The following STX6 variants were observed in gnomAD, a reference collection of about 807,000 sequenced individuals.
STX6 encodes syntaxin 6.
In STX6, 23 loss-of-function variants were observed where a neutral mutation model predicts 38.0. The observed-to-expected ratio is 0.60, with a 90% confidence interval of 0.43 to 0.86. The LOEUF is 0.86. Among genes scored for constraint, STX6 ranks in the 40% least tolerant of loss-of-function variants. The pLI is 0.00. For missense variants in STX6, 274 were observed against 312.9 expected (o/e 0.88, Z 0.94); for synonymous variants, 123 against 107.5 (o/e 1.14, Z -0.89).
chr1:181,022,143 CTTG>C (rs775300822), intron 1 of STX6, among the ~76,000 whole-genome samples: 1 of 151,008 alleles, frequency 6.6e-6, no homozygotes, highest in African/African-American at 2.4e-5. Context: ...CGCCTCTGGG[CTTG>C]TTGTGGTCTC....
intron 1 of STX6, among the ~76,000 whole-genome samples, chr1:181,020,402 T>G (rs896678522): frequency 1.3e-5 from 2 of 152,208 alleles, no homozygotes; most frequent in Non-Finnish European, 2.9e-5. Flanking sequence ...TATTAGAGAT[T>G]ACATTAGAAT....
At chr1:181,017,619 G>A (rs1656598407) in intron 1 of STX6, among the ~76,000 whole-genome samples, 1 of 152,140 alleles carries the variant, frequency 6.6e-6, no homozygotes, top group Non-Finnish European at 1.5e-5. Context: ...GCCAACAAGG[G>A]AGGAAAAAAA....
chr1:180,994,327 G>C (rs1377804681), intron 3 of STX6, among the ~76,000 whole-genome samples: 1 of 152,204 alleles, frequency 6.6e-6, no homozygotes, highest in Non-Finnish European at 1.5e-5. Flanking sequence ...TACAATCCCA[G>C]AACTGTGGTA....
chr1:180,985,288 C>T (rs1655542187), intron 6 of STX6, among the ~76,000 whole-genome samples: 1 of 152,194 alleles, frequency 6.6e-6, no homozygotes, highest in African/African-American at 2.4e-5. Context: ...CAGGCTTTGC[C>T]ACTTGTTTAC....
chr1:180,974,408 T>C lies in STX6; in HGVS notation c.*2162A>G, dbSNP rs1236131595. On this transcript the variant is annotated 3_prime_UTR_variant, in exon 8 of 8. Transcript: ENST00000258301. ...GAGGTAAGCACGCCGATTTGAAATA[T>C]ATCCAAACATCATTAAGCCTCTGGG... 6.6e-6 allele frequency: 1 copy of C among 152,666 alleles called. No homozygotes were observed. The highest frequency in any genetic ancestry group is 1.5e-5 in the Non-Finnish European group (1 of 68,050). 9.5% of individuals were successfully genotyped at this position (152,666 alleles called of 1,614,324 possible).
At chr1:181,013,767 T>C (rs896463944) in intron 1 of STX6, among the ~76,000 whole-genome samples, 1 of 152,226 alleles carries the variant, frequency 6.6e-6, no homozygotes, top group South Asian at 2.1e-4. Flanking sequence ...TGTTCCACAA[T>C]GTCTGGGACC....
At chr1:180,981,369 A>C (rs774789034) in intron 7 of STX6, among the ~76,000 whole-genome samples, 1 of 152,220 alleles carries the variant, frequency 6.6e-6, no homozygotes, top group Non-Finnish European at 1.5e-5. Flanking sequence ...AAAAAGATTA[A>C]AATGCTTACA....
intron 7 of STX6, among the ~76,000 whole-genome samples, chr1:180,978,408 A>G (rs920195858): frequency 2.0e-5 from 3 of 152,202 alleles, no homozygotes; most frequent in African/African-American, 7.2e-5. Flanking sequence ...TTAATTGATG[A>G]GTCGCTGAAG....
chr1:181,006,961 C>T (rs1656240059), intron 1 of STX6, among the ~76,000 whole-genome samples: 1 of 152,098 alleles, frequency 6.6e-6, no homozygotes, highest in Admixed American at 6.6e-5. Flanking sequence ...TTCATGTCAG[C>T]CTTTAGACTT....
At chr1:181,014,665 A>G (rs944120455) in intron 1 of STX6, among the ~76,000 whole-genome samples, 2 of 152,250 alleles carry the variant, frequency 1.3e-5, no homozygotes, top group African/African-American at 4.8e-5. Flanking sequence ...CTCTTCTCCA[A>G]CTGGTTCCTG....
intron 1 of STX6, 97 bp downstream of exon 1, chr1:181,022,542 A>T: frequency 7.6e-7 from 1 of 1,322,646 alleles, no homozygotes. Context: ...CCCAGCTCCA[A>T]CTTGCCTCCC....
Position 180,993,406 on chromosome 1 carries a change from G to T in STX6, c.320C>A (p.Ser107Ter). Residue 107 changes from serine to a stop codon, truncating the protein, a stop_gained, in exon 4 of 8, where the codon TCA (serine) becomes TAA (stop). Transcript: ENST00000258301. LOFTEE classifies it high-confidence loss of function. ...AGCTAATGCCTGCACAGATGAAGTTGACATCTGATCTTTCATGTCCTAATG... is the reference window on the plus strand; with the variant it reads ...AGCTAATGCCTGCACAGATGAAGTTTACATCTGATCTTTCATGTCCTAATG... ...QVVRDMKDQM[S>*]TSSVQALAER... 6.3e-7 allele frequency: 1 copy of T among 1,596,362 alleles called. No homozygotes were observed. The highest frequency in any genetic ancestry group is 1.1e-5 in the South Asian group (1 of 90,414).
intron 1 of STX6, among the ~76,000 whole-genome samples, chr1:181,012,924 T>C (rs561893177): frequency 1.3e-4 from 20 of 152,272 alleles, no homozygotes; most frequent in South Asian, 4.1e-4. Flanking sequence ...TCCACCCACA[T>C]TGACCTCCCA....
In STX6 at chr1:181,008,468, T is replaced by A. The variant is rs554594395; in HGVS notation, c.36-3005A>T. Among the ~76,000 whole-genome samples the A allele has an allele frequency of 5.9e-5, 9 of 152,342 alleles. No individual in the cohort carries two copies. The South Asian group carries it at 1.9e-3, about 32-fold the overall frequency. On this transcript the variant is annotated intron_variant, in intron 1 of 7. Coordinates refer to ENST00000258301, the MANE Select transcript of STX6 (RefSeq NM_005819.6). The stretch of plus-strand genomic sequence containing the variant: ...GCATCTTGTTGGTGCTTAAAAAGTT[T>A]TGGATTTTGGAACATTTCACATTTG...
chr1:180,983,608 C>T (rs1331232313), intron 7 of STX6, among the ~76,000 whole-genome samples: 9 of 152,186 alleles, frequency 5.9e-5, no homozygotes, highest in Admixed American at 5.9e-4. Context: ...TAGATCCACA[C>T]ATGCCATCTT....
intron 7 of STX6, among the ~76,000 whole-genome samples, chr1:180,982,342 T>C (rs941066885): frequency 9.9e-5 from 15 of 152,194 alleles, no homozygotes; most frequent in Admixed American, 2.0e-4. Context: ...TTAGGGAGTA[T>C]TTCTTTGGGT....
intron 4 of STX6, 151 bp downstream of exon 4, chr1:180,993,212 C>A (rs938148576): frequency 3.3e-5 from 18 of 551,064 alleles, no homozygotes; most frequent in Non-Finnish European, 5.8e-5. Context: ...GCTGCCTGGA[C>A]TGTCACAAAA....
chr1:180,980,164 A>G (rs894134439), intron 7 of STX6, among the ~76,000 whole-genome samples: 2 of 136,668 alleles, frequency 1.5e-5, no homozygotes, highest in African/African-American at 5.5e-5. Flanking sequence ...CTGAGATCGC[A>G]CCTCTGCACT....
intron 3 of STX6, among the ~76,000 whole-genome samples, chr1:180,997,041 A>G (rs1655935480): frequency 1.3e-5 from 2 of 152,240 alleles, no homozygotes; most frequent in Admixed American, 1.3e-4. Context: ...GAGCCACATT[A>G]AAGGAGAGGG....
Sources: gnomAD v4.1 joint callset for allele counts (sites outside exome capture counted in the v4.1 genomes callset) on GRCh38, gnomAD v4.1.1 for gene constraint, MANE v1.5 for transcripts, NCBI Gene and HGNC (gene_info 2026-07-23, HGNC 2026-07-21) for gene names.